Variants in NOS1AP observed in about 807,000 individuals in gnomAD.
The protein encoded by NOS1AP is nitric oxide synthase 1 adaptor protein.
NOS1AP carries 21 observed loss-of-function variants against 56.2 expected under a neutral mutation model. That is an observed-to-expected ratio of 0.37 (90% CI 0.26 to 0.54). NOS1AP has a LOEUF of 0.54. NOS1AP is among the 20% of genes least tolerant of loss of function. The pLI is 0.84. For synonymous variants in NOS1AP, 270 were observed against 274.6 expected, an observed-to-expected ratio of 0.98 and a Z score of 0.17; for missense variants, 522 against 657.8, an observed-to-expected ratio of 0.79 and a Z score of 2.26.
intron 2 of NOS1AP, among the ~76,000 whole-genome samples, chr1:162,202,751 C>A (rs189191206): frequency 3.1e-4 from 47 of 152,232 alleles, no homozygotes; most frequent in Non-Finnish European, 3.7e-4. Context: ...AAATGTTATA[C>A]CTGTTTACAT....
intron 1 of NOS1AP, among the ~76,000 whole-genome samples, chr1:162,077,346 C>G (rs1461048311): frequency 6.7e-6 from 1 of 149,928 alleles, no homozygotes; most frequent in South Asian, 2.1e-4. Context: ...GAAGCAGACT[C>G]AGAGAAAAAA....
chr1:162,117,207 T>G (rs1468234701), intron 1 of NOS1AP, among the ~76,000 whole-genome samples: 3 of 152,160 alleles, frequency 2.0e-5, no homozygotes, highest in African/African-American at 7.2e-5. Flanking sequence ...TTTGTTCTGT[T>G]TGCATAGGCT....
chr1:162,273,113 G>A (rs1004143476), intron 2 of NOS1AP, among the ~76,000 whole-genome samples: 2 of 150,586 alleles, frequency 1.3e-5, no homozygotes, highest in Admixed American at 6.6e-5. Flanking sequence ...AAGCCAGTAT[G>A]AGATTCTCCT....
At chr1:162,113,498 C>T (rs1571021253) in intron 1 of NOS1AP, among the ~76,000 whole-genome samples, 1 of 152,238 alleles carries the variant, frequency 6.6e-6, no homozygotes, top group Non-Finnish European at 1.5e-5. Flanking sequence ...TTAATTGGCT[C>T]ATGATTCTGC....
chr1:162,302,599 C>A (rs890324023), intron 4 of NOS1AP, among the ~76,000 whole-genome samples: 2 of 152,186 alleles, frequency 1.3e-5, no homozygotes, highest in East Asian at 3.9e-4. Flanking sequence ...AAAGAAAGGA[C>A]TTTCCCCAAA....
intron 2 of NOS1AP, among the ~76,000 whole-genome samples, chr1:162,189,546 A>T (rs1291534656): frequency 6.6e-6 from 1 of 152,226 alleles, no homozygotes; most frequent in South Asian, 2.1e-4. Flanking sequence ...GAGTATCAGT[A>T]TCTGACAGAA....
intron 1 of NOS1AP, among the ~76,000 whole-genome samples, chr1:162,129,780 G>A (rs1369925611): frequency 6.6e-6 from 1 of 152,182 alleles, no homozygotes; most frequent in African/African-American, 2.4e-5. Flanking sequence ...AGCCCCTCGA[G>A]GACATGCCGT....
chr1:162,182,546 G>A (rs1353825202), intron 2 of NOS1AP, among the ~76,000 whole-genome samples: 1 of 152,208 alleles, frequency 6.6e-6, no homozygotes, highest in Non-Finnish European at 1.5e-5. Flanking sequence ...TTTCTCTGTA[G>A]CGTGTGACAC....
chr1:162,082,323 C>A (rs1334020102), intron 1 of NOS1AP, among the ~76,000 whole-genome samples: 1 of 152,112 alleles, frequency 6.6e-6, no homozygotes, highest in African/African-American at 2.4e-5. Context: ...TACCACATTA[C>A]CTAGTCTATC....
intron 1 of NOS1AP, among the ~76,000 whole-genome samples, chr1:162,124,497 G>GTA (rs2102055732): frequency 0.011 from 1 of 92 alleles, no homozygotes; most frequent in East Asian, 0.12. Flanking sequence ...CATGGTGTGT[G>GTA]TGTGTGTGTG....
chr1:162,154,494 G>A lies in NOS1AP; in HGVS notation c.177+18G>A, dbSNP rs1024573261. On this transcript the variant is annotated intron_variant, in intron 2 of 9. Coordinates refer to ENST00000361897, the MANE Select transcript of NOS1AP (RefSeq NM_014697.3). ...GGATACGGGTGAGTGGCCAGAGGTG[G>A]ACTGTGTGGAGCGGGGAGTCAAGTG... 4 of 1,613,426 alleles carry A rather than the reference G, an allele frequency of 2.5e-6. No individual in the cohort carries two copies. The highest frequency in any genetic ancestry group is 2.5e-6 in the Non-Finnish European group (3 of 1,179,570).
intron 1 of NOS1AP, among the ~76,000 whole-genome samples, chr1:162,086,021 G>A (rs984562466): frequency 6.6e-6 from 1 of 152,052 alleles, no homozygotes; most frequent in Non-Finnish European, 1.5e-5. Context: ...CAAGGCTTTG[G>A]TGCTGAAATG....
chr1:162,079,435 A>G (rs1190685713), intron 1 of NOS1AP, among the ~76,000 whole-genome samples: 1 of 151,158 alleles, frequency 6.6e-6, no homozygotes, highest in African/African-American at 2.4e-5. Context: ...GTAATTTGCT[A>G]CTTTGCAATT....
At chr1:162,238,126 G>T (rs1485016522) in intron 2 of NOS1AP, among the ~76,000 whole-genome samples, 2 of 152,084 alleles carry the variant, frequency 1.3e-5, no homozygotes, top group Non-Finnish European at 1.5e-5. Flanking sequence ...GTATGGTGCA[G>T]TGCTTTAACC....
At chr1:162,097,843 T>G (rs751388300) in intron 1 of NOS1AP, among the ~76,000 whole-genome samples, 37 of 152,176 alleles carry the variant, frequency 2.4e-4, no homozygotes, top group Non-Finnish European at 3.4e-4. Context: ...CTTTCTCATA[T>G]AAATGTTAGA....
intron 2 of NOS1AP, among the ~76,000 whole-genome samples, chr1:162,225,642 G>GTT (rs1652918313): frequency 6.6e-6 from 1 of 152,208 alleles, no homozygotes; most frequent in South Asian, 2.1e-4. Flanking sequence ...TTTCCTTAAA[G>GTT]TTTTTCTCTG....
intron 2 of NOS1AP, among the ~76,000 whole-genome samples, chr1:162,213,686 T>G (rs1026868063): frequency 1.3e-5 from 2 of 152,222 alleles, no homozygotes; most frequent in African/African-American, 2.4e-5. Flanking sequence ...CCTGGGCAGG[T>G]GCTGTGCCAA....
At chr1:162,366,057 G>C (rs533225092) in intron 9 of NOS1AP, among the ~76,000 whole-genome samples, 2 of 152,322 alleles carry the variant, frequency 1.3e-5, no homozygotes, top group African/African-American at 4.8e-5. Context: ...CTGTTCAGTG[G>C]ATAAGGCAGT....
At chr1:162,348,695 G>A (rs939449388) in intron 6 of NOS1AP, among the ~76,000 whole-genome samples, 1 of 152,206 alleles carries the variant, frequency 6.6e-6, no homozygotes, top group Admixed American at 6.5e-5. Context: ...AGGAGATCAA[G>A]CATGGGCTGG....
Sources: allele counts gnomAD v4.1 joint callset (sites outside exome capture counted in the v4.1 genomes callset), GRCh38; gene constraint gnomAD v4.1.1; transcripts MANE v1.5; gene names NCBI Gene and HGNC (gene_info 2026-07-23, HGNC 2026-07-21).